Variants in SP3 observed in about 807,000 individuals in gnomAD.
The protein encoded by SP3 is Sp3 transcription factor.
In SP3, 10 loss-of-function variants were observed where a neutral mutation model predicts 70.3. That is an observed-to-expected ratio of 0.14 (90% CI 0.09 to 0.24). SP3 has a LOEUF of 0.24. Among genes scored for constraint, SP3 ranks in the 10% least tolerant of loss-of-function variants. The probability of loss-of-function intolerance (pLI) is 1.00; values close to 1 mark genes in which losing one functional copy is unlikely to be tolerated. For synonymous variants in SP3, 402 were observed against 333.5 expected (o/e 1.21, Z -2.24); for missense variants, 825 against 914.6 (o/e 0.90, Z 1.26).
At position 173,907,772 on chromosome 2, in the gene SP3, T is replaced by A. The variant is rs1010948167; in HGVS notation, c.*2169A>T. 6.6e-6 allele frequency: 1 copy of A among 152,166 alleles called. No homozygotes were observed. The highest frequency in any genetic ancestry group is 2.4e-5 in the African/African-American group (1 of 41,456). 9.4% of individuals were successfully genotyped at this position (152,166 alleles called of 1,614,324 possible). A position where few individuals can be genotyped will look rare whatever the true frequency, so the allele number is the denominator to read the frequency against. On this transcript the variant is annotated 3_prime_UTR_variant, in exon 7 of 7. Coordinates refer to ENST00000310015, the MANE Select transcript of SP3 (RefSeq NM_003111.5). The stretch of plus-strand genomic sequence containing the variant: ...AAAATTCTAAAAATTACCTAAAGGA[T>A]TTTAAGATTCAAAATCTAATCCCTG...
chr2:173,948,909 C>G (rs1012362212), intron 4 of SP3, among the ~76,000 whole-genome samples: 1 of 152,024 alleles, frequency 6.6e-6, no homozygotes, highest in Non-Finnish European at 1.5e-5. Flanking sequence ...CACAAATGAA[C>G]AGGAACTCAG....
rs563575880 is a variant in SP3, at chr2:173,905,771, G to C, written c.*4170C>G. On this transcript the variant is annotated 3_prime_UTR_variant, in exon 7 of 7. Transcript: ENST00000310015. ...CCCAACACTTTGGGAGGCAGAGGTG[G>C]AAGGATCACTTGAGCCCAGGAATTC... Among the ~76,000 whole-genome samples the C allele has an allele frequency of 4.6e-4, 70 of 152,270 alleles. No individual in the cohort carries two copies. The highest frequency in any genetic ancestry group is 1.6e-3 in the African/African-American group (66 of 41,562).
At position 173,961,638 on chromosome 2, in the gene SP3, C is replaced by T. The variant is rs141715590; in HGVS notation, c.279+2123G>A. 5.6e-3 allele frequency among the ~76,000 whole-genome samples: 857 copies of T among 152,286 alleles called. 9 individuals are homozygous for T. Among genetic ancestry groups the T allele is most frequent in the African/African-American group, 0.019 (808 of 41,564 alleles). On this transcript the variant is annotated intron_variant, in intron 3 of 6. Transcript: ENST00000310015. ...AGATTACTCAGTTCTGTATTTCCAACTTTTCTATAAATTTAAAATTATTCC... is the reference window on the plus strand; with the variant it reads ...AGATTACTCAGTTCTGTATTTCCAATTTTTCTATAAATTTAAAATTATTCC...
chr2:173,943,971 G>A (rs949445702), intron 4 of SP3, among the ~76,000 whole-genome samples: 2 of 152,118 alleles, frequency 1.3e-5, no homozygotes, highest in African/African-American at 4.8e-5. Context: ...AGTACTATAG[G>A]CAACTGTAAA....
At chr2:173,935,272 A>G (rs937260286) in intron 4 of SP3, among the ~76,000 whole-genome samples, 1 of 152,174 alleles carries the variant, frequency 6.6e-6, no homozygotes, top group African/African-American at 2.4e-5. Context: ...CTTATTAATG[A>G]TCAGTCCAGG....
intron 4 of SP3, among the ~76,000 whole-genome samples, chr2:173,922,072 A>G (rs1689770724): frequency 1.3e-5 from 2 of 152,062 alleles, no homozygotes; most frequent in South Asian, 4.2e-4. Context: ...CTTACAAATT[A>G]CCCAGTCCCA....
chr2:173,957,836 T>C (rs1415827405), intron 3 of SP3, among the ~76,000 whole-genome samples: 1 of 152,128 alleles, frequency 6.6e-6, no homozygotes, highest in Non-Finnish European at 1.5e-5. Flanking sequence ...AACTATAAAA[T>C]AGCGATCTGT....
At chr2:173,944,610 CTT>C (rs1690479865) in intron 4 of SP3, among the ~76,000 whole-genome samples, 1 of 152,182 alleles carries the variant, frequency 6.6e-6, no homozygotes, top group African/African-American at 2.4e-5. Context: ...TAATAAAGTT[CTT>C]CTCTTGGAAT....
Position 173,926,294 on chromosome 2 carries a change from A to G in SP3, c.1640-7509T>C, listed in dbSNP as rs547659343. On this transcript the variant is annotated intron_variant, in intron 4 of 6. Transcript: ENST00000310015. The stretch of plus-strand genomic sequence containing the variant: ...GAAACATACAAAATAGCAATAATAT[A>G]TATTATTTTTTAACCTCATCTCTTG... Among the ~76,000 whole-genome samples, 10 of 152,256 alleles carry G rather than the reference A, an allele frequency of 6.6e-5. No homozygotes were observed. The South Asian group carries it at 2.1e-3, about 32-fold the overall frequency.
At chr2:173,927,399 C>T (rs1471430865) in intron 4 of SP3, among the ~76,000 whole-genome samples, 2 of 151,974 alleles carry the variant, frequency 1.3e-5, no homozygotes, top group African/African-American at 4.8e-5. Flanking sequence ...ATCTCAGCCT[C>T]CCGAGTAGCT....
chr2:173,965,291 G>A lies in SP3; in HGVS notation c.-120C>T, dbSNP rs780535432. The A allele has an allele frequency of 2.0e-5, 25 of 1,225,316 alleles. No individual in the cohort carries two copies. The highest frequency in any genetic ancestry group is 2.7e-5 in the Non-Finnish European group (23 of 866,490). The allele number at this position is 1,225,316 out of a possible 1,614,324, so 75.9% of individuals were successfully genotyped here. On this transcript the variant is annotated 5_prime_UTR_variant, in exon 1 of 7. Transcript: ENST00000310015. Reference sequence around the variant, plus strand: ...GGCGGACACGGCCGGAGCGGTCCGGGGATTTTTTTTTCCTATTTTGATTGA... The same window carrying A: ...GGCGGACACGGCCGGAGCGGTCCGGAGATTTTTTTTTCCTATTTTGATTGA...
intron 3 of SP3, 82 bp from the exon 4 acceptor site, chr2:173,956,314 C>A: frequency 2.1e-6 from 3 of 1,408,698 alleles, no homozygotes; most frequent in Non-Finnish European, 2.8e-6. Flanking sequence ...TGGTATAAAT[C>A]CTACTACCTG....
intron 4 of SP3, among the ~76,000 whole-genome samples, chr2:173,922,286 C>T (rs1450117512): frequency 1.3e-5 from 2 of 150,046 alleles, no homozygotes; most frequent in Admixed American, 6.8e-5. Context: ...AAAACACTCC[C>T]AAGGTTTTTT....
At chr2:173,946,356 C>G (rs943885854) in intron 4 of SP3, among the ~76,000 whole-genome samples, 2 of 151,568 alleles carry the variant, frequency 1.3e-5, no homozygotes, top group South Asian at 4.2e-4. Context: ...CTTGCCCAAG[C>G]TGGTCTTAAA....
chr2:173,954,891 T>C lies in SP3; in HGVS notation c.1621A>G (p.Asn541Asp). ...GACTCACCTGCAGGACTGTCAGCATTCTCTCCTGGATGTAGCTGTATACCA... is the reference window on the plus strand; with the variant it reads ...GACTCACCTGCAGGACTGTCAGCATCCTCTCCTGGATGTAGCTGTATACCA... ...SAGIQLHPGE[N>D]ADSPADIRIK... Residue 541 changes from asparagine to aspartate, a missense_variant, in exon 4 of 7, where the codon AAT (asparagine) becomes GAT (aspartate). Coordinates refer to ENST00000310015, the MANE Select transcript of SP3 (RefSeq NM_003111.5). The C allele has an allele frequency of 1.2e-6, 2 of 1,612,222 alleles. No individual in the cohort carries two copies. The highest frequency in any genetic ancestry group is 1.3e-5 in the African/African-American group (1 of 75,008).
At chr2:173,922,196 T>C (rs1247272779) in intron 4 of SP3, among the ~76,000 whole-genome samples, 1 of 152,162 alleles carries the variant, frequency 6.6e-6, no homozygotes, top group Non-Finnish European at 1.5e-5. Context: ...TCAGAAAATA[T>C]GTTTAAAGTA....
intron 4 of SP3, among the ~76,000 whole-genome samples, chr2:173,947,002 C>T (rs1690562700): frequency 1.3e-5 from 2 of 152,060 alleles, no homozygotes; most frequent in East Asian, 1.9e-4. Context: ...GGATTAGAGG[C>T]ATGAGCCACC....
chr2:173,949,500 C>T (rs1690651155), intron 4 of SP3, among the ~76,000 whole-genome samples: 1 of 151,992 alleles, frequency 6.6e-6, no homozygotes, highest in Non-Finnish European at 1.5e-5. Flanking sequence ...AAGCCTTGGG[C>T]CAGTTACTTT....
chr2:173,911,123 T>G (rs974953787), intron 6 of SP3, among the ~76,000 whole-genome samples: 1 of 152,222 alleles, frequency 6.6e-6, no homozygotes, highest in East Asian at 1.9e-4. Context: ...TCAGACCTCA[T>G]GCTTGAACTA....
Sources: gnomAD v4.1 joint callset for allele counts (sites outside exome capture counted in the v4.1 genomes callset) on GRCh38, gnomAD v4.1.1 for gene constraint, MANE v1.5 for transcripts, NCBI Gene and HGNC (gene_info 2026-07-23, HGNC 2026-07-21) for gene names.